GSN: variants seen among roughly 807,000 people sequenced by gnomAD.
The protein encoded by GSN is actin-depolymerizing factor.
A neutral mutation model predicts 85.7 loss-of-function variants in GSN; 56 were observed. That is an observed-to-expected ratio of 0.65 (90% CI 0.53 to 0.82). The LOEUF is 0.82. GSN is among the 40% of genes least tolerant of loss of function. GSN has a pLI of 0.00. For synonymous variants in GSN, 373 were observed against 399.1 expected (o/e 0.93, Z 0.78); for missense variants, 857 against 979.8 (o/e 0.87, Z 1.67).
At chr9:121,219,863 C>T (rs1355608101) in intron 4 of GSN, among the ~76,000 whole-genome samples, 1 of 151,954 alleles carries the variant, frequency 6.6e-6, no homozygotes, top group Non-Finnish European at 1.5e-5. Flanking sequence ...TATACCTACA[C>T]TCCCCTTTCT....
chr9:121,311,954 G>A, intron 5 of GSN: 1 of 239,830 alleles, frequency 4.2e-6, no homozygotes, highest in Admixed American at 5.2e-5. Context: ...ACGTACTTCT[G>A]TCAGGTATTT....
chr9:121,331,062 C>T (rs998423477), intron 16 of GSN, among the ~76,000 whole-genome samples: 7 of 152,112 alleles, frequency 4.6e-5, no homozygotes, highest in African/African-American at 7.2e-5. Flanking sequence ...GCAGCTCCTG[C>T]GCAGCTTGAC....
intron 2 of GSN, among the ~76,000 whole-genome samples, chr9:121,301,696 C>T (rs1007748963): frequency 2.0e-5 from 3 of 151,584 alleles, no homozygotes; most frequent in Non-Finnish European, 4.4e-5. Flanking sequence ...GCCCTCTGTA[C>T]CCTCCATCAC....
rs973968874 is a variant in GSN, at chr9:121,310,314, A to G, written c.352-370A>G. ...TTAGGGGACTAGTGTGCCTTTGGGA[A>G]ACGCCGGTTTTGAGGAAGGAATTGT... On this transcript the variant is annotated intron_variant, in intron 4 of 17. Transcript: ENST00000432226. The G allele has an allele frequency of 2.1e-4, 72 of 337,968 alleles. 1 individual carries two copies. Among genetic ancestry groups the G allele is most frequent in the Admixed American group, 6.9e-4 (16 of 23,174 alleles). The allele number at this position is 337,968 out of a possible 1,614,324, so 20.9% of individuals were successfully genotyped here.
rs574902853 is a variant in GSN, at chr9:121,226,103, A to G, written c.-527-5062A>G. On this transcript the variant is annotated intron_variant, in intron 4 of 24. Transcript: ENST00000373823. ...ACAGGCGTGAGCCACTGCGCCCGGC[A>G]GAGCCTGGCACTTATTAGACAATCA... Among the ~76,000 whole-genome samples, 3 of 152,236 alleles carry G rather than the reference A, an allele frequency of 2.0e-5. No individual in the cohort carries two copies. The South Asian group carries it at 6.2e-4, about 32-fold the overall frequency.
upstream of GSN, among the ~76,000 whole-genome samples, chr9:121,204,106 A>G (rs2053846444): frequency 1.3e-5 from 2 of 152,230 alleles, no homozygotes; most frequent in Non-Finnish European, 2.9e-5. Flanking sequence ...ATCTTTATGT[A>G]TAGCTGATGT....
chr9:121,298,601 T>C (rs3827677), intron 2 of GSN, among the ~76,000 whole-genome samples: 109,884 of 152,082 alleles, frequency 0.72, 40,007 homozygotes, highest in South Asian at 0.81. Context: ...CCGATTTAAT[T>C]CTCAACTACT....
intron 4 of GSN, chr9:121,310,015 A>G (rs59932216): frequency 0.015 from 2,320 of 153,428 alleles, 54 homozygotes; most frequent in African/African-American, 0.053. Context: ...GAAAGAGAGA[A>G]AGGAAGGAAG....
rs572347210 is a variant in GSN at position 121,282,027 on chromosome 9, G to A, written c.-10+465G>A. The stretch of plus-strand genomic sequence containing the variant: ...GAGGAGGAGCACCTGAGGTGTGTGA[G>A]TCATGGGGAAGCGGATGAGTCATGC... On this transcript the variant is annotated intron_variant, in intron 2 of 17. Coordinates refer to ENST00000432226, the MANE Select transcript of GSN (RefSeq NM_198252.3). The A allele has an allele frequency of 1.3e-5, 6 of 475,348 alleles. No homozygotes were observed. The Admixed American group carries it at 1.4e-4, about 11-fold the overall frequency. The allele number at this position is 475,348 out of a possible 1,614,324, so 29.4% of individuals were successfully genotyped here.
At chr9:121,204,763 A>G (rs772080560), upstream of GSN, among the ~76,000 whole-genome samples, 1 of 152,234 alleles carries the variant, frequency 6.6e-6, no homozygotes, top group Non-Finnish European at 1.5e-5. Context: ...ATTATAGTAC[A>G]TCTATATTGT....
chr9:121,306,506 T>TATATATC (rs59638454), intron 4 of GSN, among the ~76,000 whole-genome samples: 56,924 of 151,672 alleles, frequency 0.38, 13,169 homozygotes, highest in South Asian at 0.6. Flanking sequence ...CCCTTGGAGA[T>TATATATC]ATATAGTGGC....
At chr9:121,324,737 C>T in intron 12 of GSN, 93 bp downstream of exon 12, 1 of 713,460 alleles carries the variant, frequency 1.4e-6, no homozygotes, top group South Asian at 1.5e-5. Flanking sequence ...ATTCGTTTGT[C>T]CATCTGTCTG....
At chr9:121,293,403 C>T (rs1247240561) in intron 2 of GSN, among the ~76,000 whole-genome samples, 1 of 89,802 alleles carries the variant, frequency 1.1e-5, no homozygotes, top group African/African-American at 4.7e-5. Context: ...CAGCATTTGT[C>T]TTTCCATTTT....
At chr9:121,323,163 T>C (rs2062703050) in intron 11 of GSN, among the ~76,000 whole-genome samples, 1 of 152,050 alleles carries the variant, frequency 6.6e-6, no homozygotes, top group African/African-American at 2.4e-5. Flanking sequence ...TATTTTGAAA[T>C]AATATTAGAC....
At chr9:121,288,029 C>T (rs1478528679) in intron 2 of GSN, among the ~76,000 whole-genome samples, 11 of 152,100 alleles carry the variant, frequency 7.2e-5, no homozygotes, top group Non-Finnish European at 1.3e-4. Context: ...TGGGCTCAAG[C>T]GATCCTCCCA....
chr9:121,244,262 T>G (rs2132212071), intron 5 of GSN, among the ~76,000 whole-genome samples: 1 of 152,370 alleles, frequency 6.6e-6, no homozygotes, highest in East Asian at 1.9e-4. Flanking sequence ...GAATTGCTTC[T>G]AGTTTTTGGT....
At position 121,299,356 on chromosome 9, in the gene GSN, G is replaced by A. The variant is rs1286987880; in HGVS notation, c.-9-2607G>A. On this transcript the variant is annotated intron_variant, in intron 2 of 17. Coordinates refer to ENST00000432226, the MANE Select transcript of GSN (RefSeq NM_198252.3). The surrounding 1 kb of genome is among the most constrained non-coding windows in gnomAD (Gnocchi z 4.2). The stretch of plus-strand genomic sequence containing the variant: ...CCACTACGGCCTGAGTTCAAATCCC[G>A]GCAGCACCATTTACAAGCTGTGTGC... 3.1e-6 allele frequency: 3 copies of A among 979,746 alleles called. No homozygotes were observed. The African/African-American group carries it at 5.3e-5, about 17-fold the overall frequency. The allele number at this position is 979,746 out of a possible 1,614,324, so 60.7% of individuals were successfully genotyped here.
chr9:121,221,844 A>C (rs1256050102), intron 4 of GSN, among the ~76,000 whole-genome samples: 2 of 152,196 alleles, frequency 1.3e-5, no homozygotes, highest in Non-Finnish European at 2.9e-5. Flanking sequence ...GGCCACTAAG[A>C]TGACTTTGAT....
chr9:121,219,106 G>A (rs920014637), intron 4 of GSN, among the ~76,000 whole-genome samples: 1 of 152,130 alleles, frequency 6.6e-6, no homozygotes, highest in African/African-American at 2.4e-5. Context: ...CTTCCTTGAT[G>A]GACAGATCCA....
Sources: allele counts gnomAD v4.1 joint callset (sites outside exome capture counted in the v4.1 genomes callset), GRCh38; gene constraint gnomAD v4.1.1; non-coding constraint Gnocchi (gnomAD v3.1); transcripts MANE v1.5; gene names NCBI Gene and HGNC (gene_info 2026-07-23, HGNC 2026-07-21).